PPM1H: variants seen among roughly 807,000 people sequenced by gnomAD.
The protein encoded by PPM1H is protein phosphatase 1H.
A neutral mutation model predicts 54.9 loss-of-function variants in PPM1H; 27 were observed. That is an observed-to-expected ratio of 0.49 (90% CI 0.36 to 0.68). PPM1H has a LOEUF of 0.68. Ranked by LOEUF, PPM1H falls within the 30% of genes least tolerant of loss-of-function variation. The pLI, the probability that PPM1H is intolerant of heterozygous loss-of-function variation, is 0.00. For synonymous variants in PPM1H, 305 were observed against 270.8 expected, an observed-to-expected ratio of 1.13 and a Z score of -1.24; for missense variants, 596 against 667.8, an observed-to-expected ratio of 0.89 and a Z score of 1.19.
At chr12:62,845,189 G>A (rs902045534) in intron 1 of PPM1H, among the ~76,000 whole-genome samples, 1 of 152,234 alleles carries the variant, frequency 6.6e-6, no homozygotes, top group Non-Finnish European at 1.5e-5. Flanking sequence ...GTAGCAGAAA[G>A]ATAATTCTGA....
intron 8 of PPM1H, among the ~76,000 whole-genome samples, chr12:62,669,578 T>C (rs900425585): frequency 1.3e-5 from 2 of 152,240 alleles, no homozygotes; most frequent in South Asian, 2.1e-4. Flanking sequence ...GACTGTTCCT[T>C]AGAGTGGGCT....
At chr12:62,884,854 G>A (rs970706742) in intron 1 of PPM1H, among the ~76,000 whole-genome samples, 14 of 152,110 alleles carry the variant, frequency 9.2e-5, no homozygotes, top group African/African-American at 3.1e-4. Flanking sequence ...GGAGATTGAG[G>A]TTCACTTTCA....
chr12:62,815,776 C>T (rs2076862931), intron 2 of PPM1H, among the ~76,000 whole-genome samples: 1 of 152,146 alleles, frequency 6.6e-6, no homozygotes, highest in Non-Finnish European at 1.5e-5. Flanking sequence ...CTGACTTGCA[C>T]AAGATAACAC....
rs553713666 is a variant in PPM1H at position 62,886,390 on chromosome 12, A to T, written c.245+48102T>A. ...ATCCAAGTTATTTTGTGCATTTTGG[A>T]TGTGTACAATCTCATATAACTGGAT... is the stretch of plus-strand genomic sequence containing the variant. On this transcript the variant is annotated intron_variant, in intron 1 of 9. Transcript: ENST00000228705. Among the ~76,000 whole-genome samples, 7 of 152,324 alleles carry T rather than the reference A, an allele frequency of 4.6e-5. No individual in the cohort carries two copies. In the South Asian group the frequency reaches 8.3e-4, roughly 18 times the overall value.
At chr12:62,930,065 A>G (rs1277129285) in intron 1 of PPM1H, among the ~76,000 whole-genome samples, 1 of 152,192 alleles carries the variant, frequency 6.6e-6, no homozygotes, top group Non-Finnish European at 1.5e-5. Context: ...AGAAAGAAAT[A>G]GCGGTTTTTG....
At chr12:62,842,117 C>T (rs1045944988) in intron 1 of PPM1H, among the ~76,000 whole-genome samples, 11 of 152,096 alleles carry the variant, frequency 7.2e-5, no homozygotes, top group South Asian at 2.1e-4. Context: ...TCAAAATAAA[C>T]GCCAATCCAA....
At chr12:62,725,171 T>A (rs2076283382) in intron 5 of PPM1H, among the ~76,000 whole-genome samples, 1 of 152,230 alleles carries the variant, frequency 6.6e-6, no homozygotes, top group African/African-American at 2.4e-5. Flanking sequence ...GCACAATTAG[T>A]TGGATCCAGT....
Position 62,667,154 on chromosome 12 carries a change from C to T in PPM1H, c.1397+24G>A, listed in dbSNP as rs141016293. The T allele has an allele frequency of 7.3e-4, 1,129 of 1,541,012 alleles. 12 individuals are homozygous for T. The African/African-American group carries it at 0.014, about 19-fold the overall frequency. Reference sequence around the variant, plus strand: ...ATGGAAGAATGCTTGAGGAACAACCCTACAATTGTAGAAATGCACAAACCT... The same window carrying T: ...ATGGAAGAATGCTTGAGGAACAACCTTACAATTGTAGAAATGCACAAACCT... On this transcript the variant is annotated intron_variant, in intron 9 of 9. Coordinates refer to ENST00000228705, the MANE Select transcript of PPM1H (RefSeq NM_020700.2).
chr12:62,886,420 C>T (rs758125795), intron 1 of PPM1H, among the ~76,000 whole-genome samples: 8 of 151,810 alleles, frequency 5.3e-5, no homozygotes, highest in Admixed American at 2.0e-4. Flanking sequence ...CTGGATTATC[C>T]GATTAAAATT....
At chr12:62,734,112 T>C (rs1007063686) in intron 5 of PPM1H, among the ~76,000 whole-genome samples, 4 of 151,198 alleles carry the variant, frequency 2.6e-5, no homozygotes, top group African/African-American at 9.8e-5. Flanking sequence ...GGGAGCATCC[T>C]TGTGCCTTCT....
chr12:62,766,729 T>G (rs2076546150), intron 4 of PPM1H, among the ~76,000 whole-genome samples: 1 of 152,210 alleles, frequency 6.6e-6, no homozygotes. Flanking sequence ...ACACAGCTGT[T>G]TCTTGCAATC....
intron 4 of PPM1H, among the ~76,000 whole-genome samples, chr12:62,770,105 A>G (rs2076569681): frequency 6.6e-6 from 1 of 151,506 alleles, no homozygotes; most frequent in Admixed American, 6.6e-5. Context: ...TTTTGGCTTA[A>G]TAAATTGGGG....
In PPM1H at chr12:62,912,169, A is replaced by G. The variant is rs78341277; in HGVS notation, c.245+22323T>C. 8.9e-3 allele frequency among the ~76,000 whole-genome samples: 1,353 copies of G among 152,370 alleles called. 18 individuals are homozygous for G. Among genetic ancestry groups the G allele is most frequent in the Middle Eastern group, 0.054 (16 of 294 alleles). On this transcript the variant is annotated intron_variant, in intron 1 of 9. Transcript: ENST00000228705. Reference sequence around the variant, plus strand: ...CTCTAATTAGAAATTCAGATAACATAGTGAAAAACTACTTATGAAGCTAAC... The same window carrying G: ...CTCTAATTAGAAATTCAGATAACATGGTGAAAAACTACTTATGAAGCTAAC...
chr12:62,706,648 AG>A (rs1175790389), intron 6 of PPM1H, among the ~76,000 whole-genome samples: 1 of 152,208 alleles, frequency 6.6e-6, no homozygotes, highest in Non-Finnish European at 1.5e-5. Context: ...GGCATAAGAG[AG>A]GTCATATATC....
chr12:62,862,068 C>T (rs1195626032), intron 1 of PPM1H, among the ~76,000 whole-genome samples: 1 of 152,196 alleles, frequency 6.6e-6, no homozygotes, highest in African/African-American at 2.4e-5. Context: ...CTTCTGAGAT[C>T]TAATACACCA....
At chr12:62,697,184 T>A (rs535500048) in intron 6 of PPM1H, among the ~76,000 whole-genome samples, 1 of 151,570 alleles carries the variant, frequency 6.6e-6, no homozygotes, top group East Asian at 1.9e-4. Context: ...TGGAGTACAA[T>A]GGTGCGATCT....
rs71086630 is a variant in PPM1H, at chr12:62,771,045, GACACAC to G, written c.869+17175_869+17180del. On this transcript the variant is annotated intron_variant, in intron 4 of 9. Transcript: ENST00000228705. Reference sequence around the variant, plus strand: ...CTAAGTCTTGCAGGAAAAAGAAAAAGACACACACACACACACACACACACACACACA... The same window carrying G: ...CTAAGTCTTGCAGGAAAAAGAAAAAGACACACACACACACACACACACACA... Among the ~76,000 whole-genome samples the G allele has an allele frequency of 9.0e-3, 1,164 of 129,474 alleles. 9 individuals carry two copies. Among genetic ancestry groups the G allele is most frequent in the East Asian group, 0.027 (115 of 4,286 alleles). 84.9% of individuals were successfully genotyped at this position (129,474 alleles called of 152,430 possible).
Position 62,729,175 on chromosome 12 carries a change from G to T in PPM1H, c.954+8327C>A, listed in dbSNP as rs139469086. Reference sequence around the variant, plus strand: ...GTGAAGGAGGCTGAGGGCGGCTTACGGGCAGAAATGGAGCCATTCACAGGG... The same window carrying T: ...GTGAAGGAGGCTGAGGGCGGCTTACTGGCAGAAATGGAGCCATTCACAGGG... On this transcript the variant is annotated intron_variant, in intron 5 of 9. Coordinates refer to ENST00000228705, the MANE Select transcript of PPM1H (RefSeq NM_020700.2). Among the ~76,000 whole-genome samples the T allele has an allele frequency of 9.9e-4, 149 of 151,144 alleles. 5 individuals are homozygous for T. In the East Asian group the frequency reaches 0.027, roughly 27 times the overall value.
rs567775927 is a variant in PPM1H, at chr12:62,673,715, C to CTTTTTTTTTTTTTTTTTTTT, written c.1246-6406_1246-6387dup. Among the ~76,000 whole-genome samples the CTTTTTTTTTTTTTTTTTTTT allele has an allele frequency of 2.4e-3, 102 of 41,966 alleles. 28 individuals are homozygous for CTTTTTTTTTTTTTTTTTTTT. Among genetic ancestry groups the CTTTTTTTTTTTTTTTTTTTT allele is most frequent in the Admixed American group, 4.7e-3 (10 of 2,136 alleles). 27.5% of individuals were successfully genotyped at this position (41,966 alleles called of 152,430 possible). A position where few individuals can be genotyped will look rare whatever the true frequency, so the allele number is the denominator to read the frequency against. ...GCTTTGTGACTTGAGAAGAGCCACT[C>CTTTTTTTTTTTTTTTTTTTT]TTTTTTTTTTTTTTTTTTTTTTTTT... is the stretch of plus-strand genomic sequence containing the variant. On this transcript the variant is annotated intron_variant, in intron 8 of 9. Coordinates refer to ENST00000228705, the MANE Select transcript of PPM1H (RefSeq NM_020700.2).
Sources: allele counts gnomAD v4.1 joint callset (sites outside exome capture counted in the v4.1 genomes callset), GRCh38; gene constraint gnomAD v4.1.1; transcripts MANE v1.5; gene names NCBI Gene and HGNC (gene_info 2026-07-23, HGNC 2026-07-21).